CAMK1D: variants seen among roughly 807,000 people sequenced by gnomAD.
CAMK1D encodes calcium/calmodulin dependent protein kinase ID.
Under a neutral mutation model 47.7 loss-of-function variants are expected in CAMK1D, and 9 were observed. The ratio of observed to expected loss-of-function variants is 0.19; its 90% confidence interval spans 0.11 to 0.33. The LOEUF (loss-of-function observed/expected upper bound fraction) is 0.33, where lower values mean the gene tolerates loss of function less well. CAMK1D is among the 10% of genes least tolerant of loss of function. CAMK1D has a pLI of 1.00. For missense variants in CAMK1D, 291 were observed against 488.7 expected (o/e 0.60, Z 3.81); for synonymous variants, 184 against 184.9 (o/e 0.99, Z 0.04).
At chr10:12,678,223 T>C (rs1164087356) in intron 3 of CAMK1D, among the ~76,000 whole-genome samples, 3 of 152,220 alleles carry the variant, frequency 2.0e-5, no homozygotes, top group African/African-American at 7.2e-5. Context: ...CTTAAGATAT[T>C]TTCCCTTGTG....
chr10:12,496,809 T>C (rs1834552898), intron 1 of CAMK1D, among the ~76,000 whole-genome samples: 1 of 152,190 alleles, frequency 6.6e-6, no homozygotes, highest in African/African-American at 2.4e-5. Flanking sequence ...GCCATGGTGG[T>C]TTGCTGCACC....
chr10:12,631,836 G>A (rs1839387850), intron 2 of CAMK1D, among the ~76,000 whole-genome samples: 1 of 152,272 alleles, frequency 6.6e-6, no homozygotes, highest in African/African-American at 2.4e-5. Flanking sequence ...TGATATGACA[G>A]GATAGAGCGT....
In CAMK1D at chr10:12,819,733, C is replaced by A. The variant is rs7923088; in HGVS notation, c.833+3405C>A. 6.2e-3 allele frequency among the ~76,000 whole-genome samples: 946 copies of A among 152,276 alleles called. 6 individuals are homozygous for A. Among genetic ancestry groups the A allele is most frequent in the African/African-American group, 0.021 (893 of 41,552 alleles). On this transcript the variant is annotated intron_variant, in intron 8 of 10. Coordinates refer to ENST00000619168, the MANE Select transcript of CAMK1D (RefSeq NM_153498.4). ...CAGGGTGCTGAGGTTTGATTTTAGA[C>A]AACCCAATCTGGTGGGAGATGGAGT...
At chr10:12,739,361 C>T (rs1424647452) in intron 3 of CAMK1D, among the ~76,000 whole-genome samples, 2 of 151,878 alleles carry the variant, frequency 1.3e-5, no homozygotes, top group African/African-American at 2.4e-5. Flanking sequence ...CTATAACCTC[C>T]GCCTCTCGGG....
chr10:12,657,745 G>A (rs1222113269), intron 2 of CAMK1D, among the ~76,000 whole-genome samples: 2 of 152,186 alleles, frequency 1.3e-5, no homozygotes, highest in Non-Finnish European at 2.9e-5. Flanking sequence ...GGTTTGATAT[G>A]TATCCCTCTA....
intron 2 of CAMK1D, among the ~76,000 whole-genome samples, chr10:12,635,048 A>G (rs778471528): frequency 6.6e-6 from 1 of 152,092 alleles, no homozygotes; most frequent in African/African-American, 2.4e-5. Flanking sequence ...GATGGGGCGT[A>G]TGTTGGAGAG....
chr10:12,440,574 C>T (rs1214050628), intron 1 of CAMK1D, among the ~76,000 whole-genome samples: 2 of 152,204 alleles, frequency 1.3e-5, no homozygotes, highest in East Asian at 1.9e-4. Context: ...AGGTGTGAGC[C>T]ACCATGCCCA....
At chr10:12,364,445 G>A (rs1003084157) in intron 1 of CAMK1D, among the ~76,000 whole-genome samples, 1 of 151,780 alleles carries the variant, frequency 6.6e-6, no homozygotes, top group Non-Finnish European at 1.5e-5. Flanking sequence ...GTTTCATCAT[G>A]TTAGCCAGGC....
At chr10:12,629,903 G>A (rs1839327710) in intron 2 of CAMK1D, among the ~76,000 whole-genome samples, 1 of 152,240 alleles carries the variant, frequency 6.6e-6, no homozygotes, top group Non-Finnish European at 1.5e-5. Flanking sequence ...TGAACAGCAA[G>A]AGGGGACAGT....
rs1446324714 is a variant in CAMK1D, at chr10:12,829,016, A to G, written c.*129A>G. The G allele has an allele frequency of 1.6e-6, 1 of 630,432 alleles. No homozygotes were observed. Among genetic ancestry groups the G allele is most frequent in the East Asian group, 2.9e-5 (1 of 34,488 alleles). The allele number at this position is 630,432 out of a possible 1,614,324, so 39.1% of individuals were successfully genotyped here. ...CTTCCTGCATAGGACTGGAAGACCG[A>G]AGTTTTTTTATGGCCATATTTTCTA... On this transcript the variant is annotated 3_prime_UTR_variant, in exon 11 of 11. Coordinates refer to ENST00000619168, the MANE Select transcript of CAMK1D (RefSeq NM_153498.4).
At chr10:12,712,803 G>A (rs932772852) in intron 3 of CAMK1D, among the ~76,000 whole-genome samples, 10 of 152,052 alleles carry the variant, frequency 6.6e-5, no homozygotes, top group African/African-American at 2.4e-4. Flanking sequence ...CAGGCTCAGA[G>A]AATTAGACTC....
At chr10:12,750,225 C>T (rs1337852957) in intron 3 of CAMK1D, among the ~76,000 whole-genome samples, 1 of 152,168 alleles carries the variant, frequency 6.6e-6, no homozygotes, top group East Asian at 1.9e-4. Context: ...CCTGCCCTGT[C>T]CATGTGGCAC....
At chr10:12,700,636 A>C (rs1294749782) in intron 3 of CAMK1D, among the ~76,000 whole-genome samples, 1 of 152,222 alleles carries the variant, frequency 6.6e-6, no homozygotes, top group East Asian at 1.9e-4. Flanking sequence ...AGCAAAAAGC[A>C]AACATATATG....
chr10:12,807,772 C>T (rs1387093670), intron 6 of CAMK1D, among the ~76,000 whole-genome samples: 1 of 152,344 alleles, frequency 6.6e-6, no homozygotes, highest in East Asian at 1.9e-4. Context: ...CCGGTTCTGT[C>T]TGAACTGTCC....
At chr10:12,393,035 T>C (rs1279104936) in intron 1 of CAMK1D, among the ~76,000 whole-genome samples, 1 of 151,836 alleles carries the variant, frequency 6.6e-6, no homozygotes, top group African/African-American at 2.4e-5. Context: ...AACTTTTTTT[T>C]TTTTTTTCTT....
chr10:12,720,263 G>A (rs1159680374), intron 3 of CAMK1D, among the ~76,000 whole-genome samples: 2 of 152,198 alleles, frequency 1.3e-5, no homozygotes, highest in Non-Finnish European at 2.9e-5. Context: ...AGCCTGGTCC[G>A]TCTGCAGAAT....
intron 1 of CAMK1D, among the ~76,000 whole-genome samples, chr10:12,497,311 T>TA (rs1378672842): frequency 6.6e-6 from 1 of 151,988 alleles, no homozygotes; most frequent in Non-Finnish European, 1.5e-5. Context: ...ATCCCGTCTC[T>TA]ACTAAAAATA....
intron 1 of CAMK1D, among the ~76,000 whole-genome samples, chr10:12,486,763 G>T (rs1393576111): frequency 1.3e-5 from 2 of 152,138 alleles, no homozygotes; most frequent in African/African-American, 4.8e-5. Context: ...CAGCCCCGAG[G>T]GGCCCACTTT....
intron 1 of CAMK1D, among the ~76,000 whole-genome samples, chr10:12,520,953 AGGGGGAGG>A (rs1835395825): frequency 2.3e-3 from 3 of 1,290 alleles, no homozygotes; most frequent in Admixed American, 7.4e-3. Flanking sequence ...AGGGAGGGGG[AGGGGGAGG>A]GGGAGGGGGA....
Sources: gnomAD v4.1 joint callset for allele counts (sites outside exome capture counted in the v4.1 genomes callset) on GRCh38, gnomAD v4.1.1 for gene constraint, MANE v1.5 for transcripts, NCBI Gene and HGNC (gene_info 2026-07-23, HGNC 2026-07-21) for gene names.